Variants in MGMT observed in about 807,000 individuals in gnomAD.
MGMT encodes the protein methylated-DNA--protein-cysteine methyltransferase.
In MGMT, 14 loss-of-function variants were observed where a neutral mutation model predicts 15.9. The observed-to-expected ratio is 0.88, with a 90% confidence interval of 0.58 to 1.37. MGMT has a LOEUF of 1.37. Among genes scored for constraint, MGMT ranks in the 40% most tolerant of loss-of-function variants. The probability of loss-of-function intolerance (pLI) is 0.00; values close to 1 mark genes in which losing one functional copy is unlikely to be tolerated. For missense variants in MGMT, 282 were observed against 268.1 expected, an observed-to-expected ratio of 1.05 and a Z score of -0.36; for synonymous variants, 130 against 118.2, an observed-to-expected ratio of 1.10 and a Z score of -0.65.
At chr10:129,562,454 A>T (rs1346481948) in intron 2 of MGMT, among the ~76,000 whole-genome samples, 7 of 152,246 alleles carry the variant, frequency 4.6e-5, no homozygotes, top group Admixed American at 4.6e-4. Flanking sequence ...GACAGCTAGC[A>T]AAGAGAACTT....
intron 2 of MGMT, among the ~76,000 whole-genome samples, chr10:129,640,037 A>G (rs1367159595): frequency 6.6e-6 from 1 of 152,048 alleles, no homozygotes; most frequent in Admixed American, 6.6e-5. Context: ...ACTGAAAAAA[A>G]AAGTGCATAG....
chr10:129,695,810 C>T (rs776404785), intron 2 of MGMT, among the ~76,000 whole-genome samples: 5 of 152,128 alleles, frequency 3.3e-5, no homozygotes, highest in Non-Finnish European at 5.9e-5. Context: ...AGAGGGCGGG[C>T]GTGGCTTCCC....
chr10:129,627,483 G>A (rs1181323951), intron 2 of MGMT, among the ~76,000 whole-genome samples: 1 of 152,144 alleles, frequency 6.6e-6, no homozygotes, highest in African/African-American at 2.4e-5. Flanking sequence ...CCGAGTGTAT[G>A]ATGGTAGTGA....
chr10:129,728,667 C>T (rs905846970), intron 3 of MGMT, among the ~76,000 whole-genome samples: 2 of 152,050 alleles, frequency 1.3e-5, no homozygotes, highest in African/African-American at 2.4e-5. Flanking sequence ...CGCCACTGCC[C>T]GCCTGCAGGT....
chr10:129,706,139 G>A lies in MGMT; in HGVS notation c.126-1756G>A, dbSNP rs575398000. ...ACTCATAGGACAAAGTGCCCTTCCC[G>A]CCCTGACACGCACAGTCCTTGCCCA... On this transcript the variant is annotated intron_variant, in intron 2 of 4. Transcript: ENST00000651593. Among the ~76,000 whole-genome samples the A allele has an allele frequency of 1.6e-4, 24 of 152,258 alleles. No homozygotes were observed. The East Asian group carries it at 2.9e-3, about 18-fold the overall frequency.
At chr10:129,694,073 G>A (rs1482897130) in intron 2 of MGMT, 4 of 152,266 alleles carry the variant, frequency 2.6e-5, no homozygotes, top group East Asian at 1.9e-4. Context: ...AAGATGGGGT[G>A]GGAGAAGCCC....
At chr10:129,596,586 C>CGGTGCTT in intron 2 of MGMT, among the ~76,000 whole-genome samples, 1 of 152,292 alleles carries the variant, frequency 6.6e-6, no homozygotes, top group East Asian at 1.9e-4. Flanking sequence ...TGGAGAACCA[C>CGGTGCTT]GGTGCTTGAG....
intron 2 of MGMT, among the ~76,000 whole-genome samples, chr10:129,568,401 C>T (rs1049096442): frequency 3.3e-5 from 5 of 152,132 alleles, no homozygotes; most frequent in Non-Finnish European, 7.3e-5. Context: ...AAGCCCTGCA[C>T]GGGGGCAAAT....
At chr10:129,694,051 G>T (rs11592922) in intron 2 of MGMT, 59,141 of 152,162 alleles carry the variant, frequency 0.39, 12,161 homozygotes, top group Non-Finnish European at 0.45. Flanking sequence ...GGGAGAGGAC[G>T]TGCTGGCTGC....
intron 2 of MGMT, among the ~76,000 whole-genome samples, chr10:129,552,065 C>T (rs1846163319): frequency 6.6e-6 from 1 of 152,228 alleles, no homozygotes. Flanking sequence ...GCTCTCCTCT[C>T]ATGGTTATGG....
chr10:129,579,973 G>A (rs929021655), intron 2 of MGMT, among the ~76,000 whole-genome samples: 2 of 152,218 alleles, frequency 1.3e-5, no homozygotes, highest in Admixed American at 1.3e-4. Context: ...GCTCTGGGAG[G>A]AACACTCCTT....
chr10:129,599,303 A>T (rs1234711810), intron 2 of MGMT, among the ~76,000 whole-genome samples: 1 of 152,092 alleles, frequency 6.6e-6, no homozygotes, highest in Middle Eastern at 3.2e-3. Flanking sequence ...GTACAGAAAA[A>T]CCTTGAGGCC....
intron 2 of MGMT, among the ~76,000 whole-genome samples, chr10:129,640,282 G>A (rs1847313679): frequency 6.6e-6 from 1 of 151,966 alleles, no homozygotes; most frequent in Non-Finnish European, 1.5e-5. Flanking sequence ...ATTTTTAGTA[G>A]AGACAGGATT....
chr10:129,661,812 GT>G (rs2133106090), intron 2 of MGMT, among the ~76,000 whole-genome samples: 1 of 152,258 alleles, frequency 6.6e-6, no homozygotes, highest in East Asian at 1.9e-4. Flanking sequence ...TTACGGTTTT[GT>G]TTTAATATTT....
intron 3 of MGMT, among the ~76,000 whole-genome samples, chr10:129,711,799 G>T (rs1431765845): frequency 4.6e-5 from 7 of 152,004 alleles, no homozygotes. Context: ...GGTCAGCTTT[G>T]TATTTATTTC....
intron 4 of MGMT, among the ~76,000 whole-genome samples, chr10:129,764,977 C>T (rs1848916784): frequency 6.6e-6 from 1 of 152,090 alleles, no homozygotes; most frequent in Admixed American, 6.5e-5. Context: ...TCCCATGTGC[C>T]TTCTACGTGT....
intron 3 of MGMT, among the ~76,000 whole-genome samples, chr10:129,738,215 G>A (rs760364237): frequency 2.0e-5 from 3 of 152,206 alleles, no homozygotes; most frequent in Non-Finnish European, 2.9e-5. Flanking sequence ...GACTCCGTGG[G>A]CATAGGACCC....
chr10:129,766,544 C>T (rs993350875), intron 4 of MGMT, among the ~76,000 whole-genome samples: 4 of 152,230 alleles, frequency 2.6e-5, no homozygotes, highest in African/African-American at 9.6e-5. Context: ...GGATGCCCCA[C>T]GTCACCTCAG....
chr10:129,608,992 C>T (rs1240006473), intron 2 of MGMT, among the ~76,000 whole-genome samples: 1 of 152,246 alleles, frequency 6.6e-6, no homozygotes, highest in African/African-American at 2.4e-5. Flanking sequence ...GGCCTGCTCT[C>T]TCATGTCACC....
Sources: gnomAD v4.1 joint callset for allele counts (sites outside exome capture counted in the v4.1 genomes callset) on GRCh38, gnomAD v4.1.1 for gene constraint, MANE v1.5 for transcripts, NCBI Gene and HGNC (gene_info 2026-07-23, HGNC 2026-07-21) for gene names.